The following NEK1 variants were observed in gnomAD, a reference collection of about 807,000 sequenced individuals.
NEK1 encodes NIMA related kinase 1, also known as serine/threonine-protein kinase Nek1.
A neutral mutation model predicts 182.1 loss-of-function variants in NEK1; 137 were observed. The observed-to-expected ratio is 0.75, with a 90% CI of 0.65 to 0.87. NEK1 has a LOEUF of 0.87. NEK1 is among the 40% of genes least tolerant of loss of function. The pLI is 0.00. For synonymous variants in NEK1, 513 were observed against 492.2 expected, an observed-to-expected ratio of 1.04 and a Z score of -0.56; for missense variants, 1,391 against 1,494.4, an observed-to-expected ratio of 0.93 and a Z score of 1.14.
At chr4:169,562,965 T>A (rs976404740) in intron 12 of NEK1, among the ~76,000 whole-genome samples, 2 of 152,234 alleles carry the variant, frequency 1.3e-5, no homozygotes, top group Admixed American at 6.5e-5. Context: ...TTATTATTTA[T>A]ATCTGCATCT....
intron 27 of NEK1, among the ~76,000 whole-genome samples, chr4:169,458,071 G>A (rs1743256998): frequency 1.3e-5 from 2 of 152,006 alleles, no homozygotes; most frequent in East Asian, 3.9e-4. Flanking sequence ...AAGTTTATAT[G>A]GATATACAAA....
chr4:169,611,231 CGA>C (rs1219371099), intron 2 of NEK1, among the ~76,000 whole-genome samples: 2 of 152,154 alleles, frequency 1.3e-5, no homozygotes, highest in African/African-American at 2.4e-5. Flanking sequence ...TCAAGTCCGA[CGA>C]CCTTTATTAA....
chr4:169,570,140 C>G lies in NEK1; in HGVS notation c.1020+6788G>C, dbSNP rs1277939883. Among the ~76,000 whole-genome samples, 429 of 148,192 alleles carry G rather than the reference C, an allele frequency of 2.9e-3. 3 individuals are homozygous for G. The highest frequency in any genetic ancestry group is 0.01 in the African/African-American group (409 of 40,170). On this transcript the variant is annotated intron_variant, in intron 12 of 35. Transcript: ENST00000507142. ...TGAGATGTGGGGAGCGCCTCTGCCC[C>G]GCCGCCCCGTCTGGGATGTGAGGAG...
At chr4:169,528,511 A>T (rs750765380) in intron 19 of NEK1, among the ~76,000 whole-genome samples, 1 of 152,216 alleles carries the variant, frequency 6.6e-6, no homozygotes, top group Non-Finnish European at 1.5e-5. Context: ...ATACTGGCTG[A>T]CCATATTACA....
At chr4:169,451,311 A>G (rs1415121986) in intron 27 of NEK1, among the ~76,000 whole-genome samples, 1 of 152,146 alleles carries the variant, frequency 6.6e-6, no homozygotes, top group Non-Finnish European at 1.5e-5. Flanking sequence ...AGAACTCTCC[A>G]CCCCAAATCA....
chr4:169,434,504 C>T lies in NEK1; in HGVS notation c.2765-839G>A, dbSNP rs533563125. Among the ~76,000 whole-genome samples the T allele has an allele frequency of 7.9e-5, 12 of 152,304 alleles. No individual in the cohort carries two copies. The South Asian group carries it at 1.4e-3, about 18-fold the overall frequency. On this transcript the variant is annotated intron_variant, in intron 28 of 35. Transcript: ENST00000507142. ...CTGGGATTACAGGCGTGAGCCACCACGCCTGGCCTGACCCTCAATTAACAT... is the reference window on the plus strand; with the variant it reads ...CTGGGATTACAGGCGTGAGCCACCATGCCTGGCCTGACCCTCAATTAACAT...
In NEK1 at chr4:169,516,275, G is replaced by A. The variant is rs1755215778; in HGVS notation, c.1666-7423C>T. On this transcript the variant is annotated intron_variant, in intron 19 of 35. Coordinates refer to ENST00000507142, the MANE Select transcript of NEK1 (RefSeq NM_001199397.3). Reference sequence around the variant, plus strand: ...CCAGTGATGATGAGCATTTCTTCATGTGTTTTTTGGCTGCATAAATGTCTT... The same window carrying A: ...CCAGTGATGATGAGCATTTCTTCATATGTTTTTTGGCTGCATAAATGTCTT... Among the ~76,000 whole-genome samples, 2 of 110,802 alleles carry A rather than the reference G, an allele frequency of 1.8e-5. 1 individual carries two copies. Among genetic ancestry groups the A allele is most frequent in the East Asian group, 5.5e-4 (2 of 3,662 alleles). 72.7% of individuals were successfully genotyped at this position (110,802 alleles called of 152,430 possible). A position where few individuals can be genotyped will look rare whatever the true frequency, so the allele number is the denominator to read the frequency against.
chr4:169,479,279 A>G (rs915745089), intron 24 of NEK1, 124 bp downstream of exon 24: 2 of 988,792 alleles, frequency 2.0e-6, no homozygotes, highest in African/African-American at 3.3e-5. Flanking sequence ...AATCCCTTAA[A>G]AAGTAATTTT....
intron 19 of NEK1, among the ~76,000 whole-genome samples, chr4:169,528,136 G>A (rs897050646): frequency 2.0e-5 from 3 of 152,134 alleles, no homozygotes; most frequent in African/African-American, 7.2e-5. Flanking sequence ...TTATAATATT[G>A]TAAAATCCCC....
chr4:169,505,144 A>T (rs1223464919), intron 23 of NEK1, among the ~76,000 whole-genome samples: 1 of 152,140 alleles, frequency 6.6e-6, no homozygotes. Flanking sequence ...CCTTAGTTGG[A>T]AATATTTTAT....
chr4:169,426,749 G>C (rs984972163), intron 29 of NEK1, among the ~76,000 whole-genome samples: 22 of 152,050 alleles, frequency 1.4e-4, no homozygotes, highest in Non-Finnish European at 7.4e-5. Flanking sequence ...ATGAAGCAGA[G>C]ATCTATATAA....
At chr4:169,509,655 G>A (rs752659694) in intron 19 of NEK1, among the ~76,000 whole-genome samples, 4 of 151,990 alleles carry the variant, frequency 2.6e-5, no homozygotes, top group Non-Finnish European at 5.9e-5. Flanking sequence ...GCCCTTCTGA[G>A]TGATTTTTGC....
At chr4:169,451,294 C>A (rs536476894) in intron 27 of NEK1, among the ~76,000 whole-genome samples, 1 of 152,300 alleles carries the variant, frequency 6.6e-6, no homozygotes, top group South Asian at 2.1e-4. Flanking sequence ...ACCTAATAGA[C>A]ATCTACAGAA....
At chr4:169,593,278 A>G (rs1179784558) in intron 5 of NEK1, among the ~76,000 whole-genome samples, 4 of 152,224 alleles carry the variant, frequency 2.6e-5, no homozygotes, top group Non-Finnish European at 4.4e-5. Flanking sequence ...CTTCCATTAT[A>G]GCATAAAAGC....
intron 29 of NEK1, among the ~76,000 whole-genome samples, chr4:169,429,034 T>G (rs1034270735): frequency 6.6e-6 from 1 of 150,982 alleles, no homozygotes; most frequent in Non-Finnish European, 1.5e-5. Flanking sequence ...TTAGATGCAA[T>G]TTTTTTTTCA....
intron 6 of NEK1, among the ~76,000 whole-genome samples, chr4:169,590,275 C>T (rs1436219080): frequency 2.6e-5 from 4 of 152,152 alleles, no homozygotes; most frequent in Non-Finnish European, 5.9e-5. Context: ...CGCCACTGCA[C>T]TCCAGCCTGG....
At chr4:169,496,239 T>C (rs1751249679) in intron 23 of NEK1, among the ~76,000 whole-genome samples, 1 of 152,152 alleles carries the variant, frequency 6.6e-6, no homozygotes, top group Non-Finnish European at 1.5e-5. Flanking sequence ...CTTGTGATTT[T>C]TGCACATTGA....
intron 28 of NEK1, among the ~76,000 whole-genome samples, chr4:169,437,396 G>T (rs1561185620): frequency 6.6e-6 from 1 of 152,128 alleles, no homozygotes; most frequent in Non-Finnish European, 1.5e-5. Flanking sequence ...TGGGAGGAAT[G>T]AAGATAATTT....
At chr4:169,529,424 A>G (rs1403441832) in intron 19 of NEK1, among the ~76,000 whole-genome samples, 10 of 152,304 alleles carry the variant, frequency 6.6e-5, no homozygotes, top group Middle Eastern at 6.8e-3. Context: ...TTATTACAAT[A>G]AACGTCTTCT....
Sources: allele counts gnomAD v4.1 joint callset (sites outside exome capture counted in the v4.1 genomes callset), GRCh38; gene constraint gnomAD v4.1.1; transcripts MANE v1.5; gene names NCBI Gene and HGNC (gene_info 2026-07-23, HGNC 2026-07-21).